Variants in ITGBL1 observed in about 807,000 individuals in gnomAD.
ITGBL1 encodes integrin subunit beta like 1.
In ITGBL1, 51 loss-of-function variants were observed where a neutral mutation model predicts 68.5. The ratio of observed to expected loss-of-function variants is 0.74; its 90% CI spans 0.59 to 0.94. ITGBL1 has a LOEUF of 0.94. Ranked by LOEUF, ITGBL1 falls within the 40% of genes least tolerant of loss-of-function variation. ITGBL1 has a pLI of 0.00. For missense variants in ITGBL1, 649 were observed against 647.4 expected (o/e 1.00, Z -0.03); for synonymous variants, 209 against 227.3 (o/e 0.92, Z 0.72).
intron 2 of ITGBL1, among the ~76,000 whole-genome samples, chr13:101,524,938 C>T (rs2049349248): frequency 6.6e-6 from 1 of 152,074 alleles, no homozygotes; most frequent in Admixed American, 6.6e-5. Context: ...CTGCACACAA[C>T]CTTGGCACAT....
chr13:101,588,665 T>C (rs2050599550), intron 6 of ITGBL1, among the ~76,000 whole-genome samples: 1 of 146,866 alleles, frequency 6.8e-6, no homozygotes, highest in Non-Finnish European at 1.5e-5. Context: ...TGATTTCTTC[T>C]TTTATGACCT....
At chr13:101,569,611 G>A (rs2050241030) in intron 3 of ITGBL1, among the ~76,000 whole-genome samples, 3 of 152,038 alleles carry the variant, frequency 2.0e-5, no homozygotes, top group African/African-American at 7.2e-5. Flanking sequence ...TCTTTAATCT[G>A]GGTCATTTCC....
intron 2 of ITGBL1, among the ~76,000 whole-genome samples, chr13:101,546,530 T>C (rs1188602999): frequency 1.3e-5 from 2 of 152,038 alleles, no homozygotes; most frequent in Non-Finnish European, 2.9e-5. Flanking sequence ...ATTTAAAAAG[T>C]CAAATGTTAA....
At chr13:101,643,137 C>G (rs1353123382) in intron 7 of ITGBL1, among the ~76,000 whole-genome samples, 1 of 151,852 alleles carries the variant, frequency 6.6e-6, no homozygotes, top group Non-Finnish European at 1.5e-5. Context: ...GGCATTGGAT[C>G]TATAAATTAC....
At chr13:101,499,259 C>T (rs1268313952) in intron 2 of ITGBL1, among the ~76,000 whole-genome samples, 2 of 152,172 alleles carry the variant, frequency 1.3e-5, no homozygotes, top group East Asian at 1.9e-4. Flanking sequence ...TTTTCTTATG[C>T]TTTACAAACT....
At chr13:101,500,396 G>A (rs1480479859) in intron 2 of ITGBL1, among the ~76,000 whole-genome samples, 1 of 152,138 alleles carries the variant, frequency 6.6e-6, no homozygotes, top group East Asian at 1.9e-4. Flanking sequence ...ATGTCATGTT[G>A]CTCTTTGTCA....
In ITGBL1 at chr13:101,579,953, A is replaced by G. The variant is rs150663557; in HGVS notation, c.727+526A>G. 1.7e-4 allele frequency among the ~76,000 whole-genome samples: 26 copies of G among 152,376 alleles called. No homozygotes were observed. In the East Asian group the frequency reaches 4.8e-3, roughly 28 times the overall value. On this transcript the variant is annotated intron_variant, in intron 5 of 10. Transcript: ENST00000376180. ...TATACAAAGTATGTATCCAATAGCC[A>G]TAGGAAATGTACACTGACTTTACAA...
chr13:101,538,876 G>T (rs1048269118), intron 2 of ITGBL1, among the ~76,000 whole-genome samples: 11 of 151,896 alleles, frequency 7.2e-5, no homozygotes, highest in African/African-American at 2.4e-4. Context: ...ATTTTACATA[G>T]AAATTCTGTA....
At chr13:101,604,887 T>TGTATATATATATATACAC (rs1555361661) in intron 7 of ITGBL1, among the ~76,000 whole-genome samples, 1,009 of 22,184 alleles carry the variant, frequency 0.045, 128 homozygotes, top group Middle Eastern at 0.083. Context: ...TATATATATA[T>TGTATATATATATATACAC]ACACACACAC....
intron 7 of ITGBL1, among the ~76,000 whole-genome samples, chr13:101,624,097 G>A (rs1188120227): frequency 6.6e-6 from 1 of 152,126 alleles, no homozygotes; most frequent in African/African-American, 2.4e-5. Flanking sequence ...TGTTTACTAG[G>A]TTGCTTTGGA....
At chr13:101,546,789 T>A (rs2049832811) in intron 2 of ITGBL1, among the ~76,000 whole-genome samples, 1 of 152,066 alleles carries the variant, frequency 6.6e-6, no homozygotes. Context: ...TATTTTTTAA[T>A]CTGACTCAAA....
downstream of ITGBL1, chr13:101,717,543 T>C (rs2034771172): frequency 6.6e-6 from 1 of 152,190 alleles, no homozygotes; most frequent in African/African-American, 2.4e-5. Flanking sequence ...TTGGAATTCA[T>C]TACATTATCT....
intron 2 of ITGBL1, among the ~76,000 whole-genome samples, chr13:101,548,477 A>G (rs925214835): frequency 1.6e-4 from 24 of 151,882 alleles, no homozygotes; most frequent in African/African-American, 5.8e-4. Flanking sequence ...ATGTATGACC[A>G]CAATTTAAAA....
At chr13:101,577,682 A>C (rs2050386079) in intron 4 of ITGBL1, among the ~76,000 whole-genome samples, 1 of 152,176 alleles carries the variant, frequency 6.6e-6, no homozygotes, top group South Asian at 2.1e-4. Context: ...TAGTCTAAAA[A>C]GGTGATTGGG....
chr13:101,454,399 T>TGCCC (rs2048210934), intron 2 of ITGBL1, among the ~76,000 whole-genome samples: 1 of 135,812 alleles, frequency 7.4e-6, no homozygotes, highest in Non-Finnish European at 1.7e-5. Flanking sequence ...CCCTGGCTGG[T>TGCCC]CCCCCCCCCC....
intron 8 of ITGBL1, among the ~76,000 whole-genome samples, chr13:101,706,376 A>G (rs1291942947): frequency 1.3e-5 from 2 of 152,230 alleles, no homozygotes; most frequent in Admixed American, 6.5e-5. Flanking sequence ...TACTGCCACC[A>G]GTGGTAATGT....
At chr13:101,459,780 T>C (rs183248976) in intron 2 of ITGBL1, among the ~76,000 whole-genome samples, 71 of 152,226 alleles carry the variant, frequency 4.7e-4, no homozygotes, top group Non-Finnish European at 7.4e-4. Context: ...ATATAAGCCA[T>C]TCTTATAAAC....
At chr13:101,524,009 AGTCAT>A (rs761856315) in intron 2 of ITGBL1, among the ~76,000 whole-genome samples, 4 of 152,186 alleles carry the variant, frequency 2.6e-5, no homozygotes, top group Non-Finnish European at 5.9e-5. Flanking sequence ...CCAAATGAGT[AGTCAT>A]TCCCTGGCTG....
intron 7 of ITGBL1, among the ~76,000 whole-genome samples, chr13:101,677,534 A>G (rs1297837483): frequency 2.6e-5 from 4 of 152,210 alleles, no homozygotes; most frequent in African/African-American, 7.2e-5. Flanking sequence ...TATAGCACTT[A>G]TAAGTGGTAG....
Sources: allele counts gnomAD v4.1 joint callset (sites outside exome capture counted in the v4.1 genomes callset), GRCh38; gene constraint gnomAD v4.1.1; transcripts MANE v1.5; gene names NCBI Gene and HGNC (gene_info 2026-07-23, HGNC 2026-07-21).